ZNRF1: variants seen among roughly 807,000 people sequenced by gnomAD.
ZNRF1 encodes the protein zinc and ring finger 1.
ZNRF1 carries 3 observed loss-of-function variants against 18.4 expected under a neutral mutation model. The ratio of observed to expected loss-of-function variants is 0.16; its 90% CI spans 0.07 to 0.42. ZNRF1 has a LOEUF of 0.42. Ranked by LOEUF, ZNRF1 falls within the 10% of genes least tolerant of loss-of-function variation. The pLI, the probability that ZNRF1 is intolerant of heterozygous loss-of-function variation, is 0.99. For missense variants in ZNRF1, 310 were observed against 329.8 expected (o/e 0.94, Z 0.47); for synonymous variants, 157 against 144.2 (o/e 1.09, Z -0.64).
At chr16:75,103,113 C>T (rs1304306666) in intron 2 of ZNRF1, among the ~76,000 whole-genome samples, 2 of 152,156 alleles carry the variant, frequency 1.3e-5, no homozygotes, top group Non-Finnish European at 2.9e-5. Flanking sequence ...TTTTGATTTC[C>T]TTGTTCGGCA....
chr16:75,099,298 C>T (rs2036231066), intron 2 of ZNRF1, among the ~76,000 whole-genome samples: 1 of 152,156 alleles, frequency 6.6e-6, no homozygotes, highest in African/African-American at 2.4e-5. Context: ...TCTTTTGCTC[C>T]TCCTCCCAGA....
intron 1 of ZNRF1, among the ~76,000 whole-genome samples, chr16:75,022,246 C>G (rs2035160531): frequency 6.6e-6 from 1 of 151,636 alleles, no homozygotes; most frequent in African/African-American, 2.4e-5. Context: ...CAGAGCGAGA[C>G]TCTGTCTCAA....
intron 1 of ZNRF1, among the ~76,000 whole-genome samples, chr16:75,067,415 T>C (rs891325199): frequency 1.3e-5 from 2 of 152,178 alleles, no homozygotes; most frequent in Non-Finnish European, 2.9e-5. Context: ...ATGAGATATA[T>C]ATTGGTGCTA....
rs146450533 is a variant in ZNRF1 at position 75,070,766 on chromosome 16, C to G, written c.425-22806C>G. ...TGCCTGTTTTGTATCTTAAGTAGAT[C>G]GGATCAGATAGTGATCCTCGTGCAC... On this transcript the variant is annotated intron_variant, in intron 1 of 4. Transcript: ENST00000335325. Among the ~76,000 whole-genome samples the G allele has an allele frequency of 8.4e-4, 128 of 152,150 alleles. 1 individual carries two copies. Among genetic ancestry groups the G allele is most frequent in the African/African-American group, 3.0e-3 (123 of 41,540 alleles).
intron 1 of ZNRF1, among the ~76,000 whole-genome samples, chr16:75,067,895 A>G (rs962771908): frequency 6.6e-6 from 1 of 152,220 alleles, no homozygotes; most frequent in Non-Finnish European, 1.5e-5. Context: ...GAACACTCTG[A>G]AAATTAAATG....
At chr16:75,008,305 T>A (rs2034950088) in intron 1 of ZNRF1, among the ~76,000 whole-genome samples, 1 of 152,194 alleles carries the variant, frequency 6.6e-6, no homozygotes. Flanking sequence ...CTAAGCATTA[T>A]TGCCTACATA....
rs185784478 is a variant in ZNRF1, at chr16:75,110,874, G to A, written c.*3174G>A. On this transcript the variant is annotated 3_prime_UTR_variant, in exon 5 of 5. Transcript: ENST00000335325. ...GGCGAGAGGGCTGTCTCGGTGATGA[G>A]CACACGCGTGCTGGGGTGGTTTGGG... The A allele has an allele frequency of 6.6e-6, 1 of 152,232 alleles. No homozygotes were observed. The highest frequency in any genetic ancestry group is 2.4e-5 in the African/African-American group (1 of 41,390). 9.4% of individuals were successfully genotyped at this position (152,232 alleles called of 1,614,324 possible). A position where few individuals can be genotyped will look rare whatever the true frequency, so the allele number is the denominator to read the frequency against.
At chr16:75,031,702 A>C (rs2035306755) in intron 1 of ZNRF1, among the ~76,000 whole-genome samples, 1 of 151,708 alleles carries the variant, frequency 6.6e-6, no homozygotes, top group Admixed American at 6.6e-5. Flanking sequence ...GAGACAGGGC[A>C]TGTTGCCCAG....
chr16:75,077,537 A>AAAAATGAGGGCCGGGTGCAGTGGCT (rs2035955726), intron 1 of ZNRF1, among the ~76,000 whole-genome samples: 2 of 152,258 alleles, frequency 1.3e-5, no homozygotes, highest in African/African-American at 4.8e-5. Flanking sequence ...TCTCAAAAAA[A>AAAAATGAGGGCCGGGTGCAGTGGCT]CAAACAAAAA....
At chr16:75,071,179 A>G (rs1383928365) in intron 1 of ZNRF1, among the ~76,000 whole-genome samples, 1 of 150,918 alleles carries the variant, frequency 6.6e-6, no homozygotes, top group African/African-American at 2.4e-5. Flanking sequence ...GGCTCACTGC[A>G]ACCTCCGCCT....
chr16:75,054,748 G>A (rs1306480219), intron 1 of ZNRF1, among the ~76,000 whole-genome samples: 1 of 152,208 alleles, frequency 6.6e-6, no homozygotes, highest in Non-Finnish European at 1.5e-5. Flanking sequence ...TAATCCTCCT[G>A]GGAGATTGGC....
At position 75,000,027 on chromosome 16, in the gene ZNRF1, G is replaced by A. The variant is rs1208323927; in HGVS notation, c.356G>A (p.Gly119Asp). The A allele has an allele frequency of 1.9e-6, 3 of 1,595,488 alleles. No homozygotes were observed. The highest frequency in any genetic ancestry group is 2.3e-5 in the South Asian group (2 of 87,602). The change falls in exon 1 of 5, where the codon GGC becomes GAC. Residue 119 changes from glycine to aspartate, a missense_variant. Gly to Asp is a moderately conservative substitution (Grantham distance 94). Around this residue, in one of 2 missense-constraint regions of ZNRF1, gnomAD observed 293 missense variants for 291.2 expected, o/e 1.01. Transcript: ENST00000335325. ...GHHRDGMLYL[G>D]SRASLADALP... ...CATAGAGACGGGATGCTGTACCTGG[G>A]CTCCCGAGCCTCGCTGGCGGATGCT...
Position 74,999,557 on chromosome 16 carries a change from G to C in ZNRF1, c.-115G>C. On this transcript the variant is annotated 5_prime_UTR_variant, in exon 1 of 5. Transcript: ENST00000335325. ...TTGCTTTTTTTCCTTTTCTCCCTCC[G>C]GGTCTCCTTTTTGACTCCCTCCCCC... 1 of 729,460 alleles carries C rather than the reference G, an allele frequency of 1.4e-6. No individual in the cohort carries two copies. Among genetic ancestry groups the C allele is most frequent in the East Asian group, 3.4e-5 (1 of 29,374 alleles). The allele number at this position is 729,460 out of a possible 1,614,324, so 45.2% of individuals were successfully genotyped here.
At chr16:75,030,911 G>A (rs1405209355) in intron 1 of ZNRF1, among the ~76,000 whole-genome samples, 2 of 142,922 alleles carry the variant, frequency 1.4e-5, no homozygotes, top group South Asian at 2.2e-4. Context: ...CGTGATTTCG[G>A]TTCACTGCAA....
intron 1 of ZNRF1, among the ~76,000 whole-genome samples, chr16:75,055,881 C>T (rs986146118): frequency 2.6e-5 from 4 of 152,192 alleles, no homozygotes; most frequent in African/African-American, 9.7e-5. Flanking sequence ...CCTTGAAGGA[C>T]CAAGAGGGTC....
At chr16:75,092,622 G>A (rs560028575) in intron 1 of ZNRF1, among the ~76,000 whole-genome samples, 9 of 152,340 alleles carry the variant, frequency 5.9e-5, no homozygotes, top group Admixed American at 5.9e-4. Context: ...GATTAGGTTT[G>A]CTTAACGGAG....
At position 74,999,753 on chromosome 16, in the gene ZNRF1, C is replaced by T. The variant is rs1352886496; in HGVS notation, c.82C>T (p.Pro28Ser). The change falls in exon 1 of 5, where the codon CCG becomes TCG. Residue 28 changes from proline to serine, a missense_variant. Coordinates refer to ENST00000335325, the MANE Select transcript of ZNRF1 (RefSeq NM_032268.5). ...VSTDDSAVPP[P>S]GGAPHFGHYR... The stretch of plus-strand genomic sequence containing the variant: ...CACCGATGACAGCGCCGTGCCGCCG[C>T]CGGGAGGGGCGCCCCATTTCGGGCA... The T allele has an allele frequency of 1.4e-6, 2 of 1,392,306 alleles. No homozygotes were observed. Among genetic ancestry groups the T allele is most frequent in the Non-Finnish European group, 1.9e-6 (2 of 1,079,760 alleles). The allele number at this position is 1,392,306 out of a possible 1,614,324, so 86.2% of individuals were successfully genotyped here.
rs778104966 is a variant in ZNRF1 at position 75,019,278 on chromosome 16, G to A, written c.424+19183G>A. Among the ~76,000 whole-genome samples the A allele has an allele frequency of 3.6e-4, 54 of 151,872 alleles. 1 individual carries two copies. Among genetic ancestry groups the A allele is most frequent in the Admixed American group, 2.0e-4 (3 of 15,230 alleles). ...TGGTCGTGAACTCCCAGTCTCAAGC[G>A]ATCTTCTCACCTTGGCCTCCCAAAG... On this transcript the variant is annotated intron_variant, in intron 1 of 4. Coordinates refer to ENST00000335325, the MANE Select transcript of ZNRF1 (RefSeq NM_032268.5).
chr16:75,032,104 GT>G (rs1162819265), intron 1 of ZNRF1, among the ~76,000 whole-genome samples: 12,543 of 108,598 alleles, frequency 0.12, 410 homozygotes, highest in African/African-American at 0.24. Context: ...TTCTTGTGAG[GT>G]TTTTTTTTTT....
Sources: gnomAD v4.1 joint callset for allele counts (sites outside exome capture counted in the v4.1 genomes callset) on GRCh38, gnomAD v4.1.1 for gene constraint, gnomAD v4.1.1 regional missense constraint, MANE v1.5 for transcripts, NCBI Gene and HGNC (gene_info 2026-07-23, HGNC 2026-07-21) for gene names.